Variants in CD1A observed in about 807,000 individuals in gnomAD.
CD1A encodes the protein CD1a molecule.
Under a neutral mutation model 38.3 loss-of-function variants are expected in CD1A, and 50 were observed. The ratio of observed to expected loss-of-function variants is 1.30; its 90% CI spans 1.04 to 1.65. The LOEUF (loss-of-function observed/expected upper bound fraction) is 1.65, where lower values mean the gene tolerates loss of function less well. Ranked by LOEUF, CD1A falls within the 40% of genes most tolerant of loss-of-function variation. The pLI is 0.00. For synonymous variants in CD1A, 160 were observed against 150.8 expected, an observed-to-expected ratio of 1.06 and a Z score of -0.45; for missense variants, 459 against 406.1, an observed-to-expected ratio of 1.13 and a Z score of -1.12.
chr1:158,254,163 G>A (rs1650163158), upstream of CD1A: 1 of 987,804 alleles, frequency 1.0e-6, no homozygotes, highest in Admixed American at 6.1e-5. Context: ...CTCTGAAAAA[G>A]CAAATAAATC....
upstream of CD1A, among the ~76,000 whole-genome samples, chr1:158,249,894 A>G (rs984340674): frequency 7.2e-5 from 11 of 152,174 alleles, no homozygotes; most frequent in Non-Finnish European, 1.5e-4. Context: ...TCCTTCCCAC[A>G]GTGGCCACTC....
intron 2 of CD1A, among the ~76,000 whole-genome samples, 199 bp downstream of exon 2, chr1:158,255,549 C>A (rs1318029736): frequency 6.6e-6 from 1 of 151,986 alleles, no homozygotes; most frequent in Non-Finnish European, 1.5e-5. Context: ...TACTTATGAA[C>A]TCCTCTCTCA....
upstream of CD1A, among the ~76,000 whole-genome samples, chr1:158,253,113 TC>T (rs2101629156): frequency 6.6e-6 from 1 of 151,254 alleles, no homozygotes; most frequent in Non-Finnish European, 1.5e-5. Context: ...AAAAATTTTT[TC>T]CCCCTAAATT....
In CD1A at chr1:158,255,304, G is replaced by A. The variant is rs770910864; in HGVS notation, c.279G>A (p.Arg93=). ...LETLFRIRTI[R]SFEGIRRYAH... ...CATTATTCCGTATACGCACCATTCG[G>A]TCATTTGAGGGAATTCGTAGATACG... The change falls in exon 2 of 6, where the codon CGG becomes CGA. Residue 93 remains arginine (R), a synonymous_variant. Coordinates refer to ENST00000289429, the MANE Select transcript of CD1A (RefSeq NM_001763.3). 5 of 1,614,112 alleles carry A rather than the reference G, an allele frequency of 3.1e-6. No homozygotes were observed. Among genetic ancestry groups the A allele is most frequent in the Non-Finnish European group, 4.2e-6 (5 of 1,180,010 alleles).
intron 4 of CD1A, 139 bp downstream of exon 4, chr1:158,257,203 T>C: frequency 9.0e-6 from 11 of 1,217,930 alleles, no homozygotes; most frequent in Non-Finnish European, 1.2e-5. Flanking sequence ...GAAATGGAAA[T>C]GTTGAAAATG....
chr1:158,254,048 T>G (rs1650157484), upstream of CD1A: 4 of 85,188 alleles, frequency 4.7e-5, no homozygotes, highest in Admixed American at 1.1e-4. Flanking sequence ...TTTTTTTTTT[T>G]TTTTTTTTTT....
In CD1A at chr1:158,256,085, A is replaced by G. The variant is rs1402887595; in HGVS notation, c.407A>G (p.Gln136Arg). 2 of 1,614,206 alleles carry G rather than the reference A, an allele frequency of 1.2e-6. No individual in the cohort carries two copies. Among genetic ancestry groups the G allele is most frequent in the South Asian group, 1.1e-5 (1 of 91,088 alleles). Reference sequence around the variant, plus strand: ...GGAAGCTTCTTGCAGTTAGCTTATCAAGGATCAGACTTTGTGAGCTTCCAG... The same window carrying G: ...GGAAGCTTCTTGCAGTTAGCTTATCGAGGATCAGACTTTGTGAGCTTCCAG... The part of the protein sequence containing the change: ...VSGSFLQLAY[Q>R]GSDFVSFQNN... The change falls in exon 3 of 6, where the codon CAA (glutamine) becomes CGA (arginine). Residue 136 changes from glutamine to arginine, a missense_variant. Transcript: ENST00000289429.
chr1:158,255,923 C>T, intron 2 of CD1A, 81 bp from the exon 3 acceptor site: 1 of 1,377,768 alleles, frequency 7.3e-7, no homozygotes, highest in East Asian at 2.3e-5. Flanking sequence ...CACACTTCCC[C>T]CTTCTGCTTC....
At chr1:158,248,577 A>G in the CD1A span, among the ~76,000 whole-genome samples, 4 of 152,162 alleles carry the variant, frequency 2.6e-5, no homozygotes, top group Non-Finnish European at 5.9e-5. Flanking sequence ...TATGTTATTC[A>G]CACTAGTTTG....
chr1:158,248,717 T>C, the CD1A span, among the ~76,000 whole-genome samples: 3 of 152,174 alleles, frequency 2.0e-5, no homozygotes, highest in African/African-American at 4.8e-5. Flanking sequence ...TATCTCTTGA[T>C]TTTTCCCTAG....
At chr1:158,257,657 A>C (rs1650306827) in intron 5 of CD1A, 24 bp from the exon 6 acceptor site, 3 of 1,612,880 alleles carry the variant, frequency 1.9e-6, no homozygotes, top group Non-Finnish European at 2.5e-6. Flanking sequence ...ATTCAGAGTG[A>C]CTTCTATCTC....
chr1:158,254,246 G>C, upstream of CD1A: 4 of 1,031,428 alleles, frequency 3.9e-6, no homozygotes, highest in Non-Finnish European at 4.7e-6. Flanking sequence ...GGAAAATATT[G>C]AAAAGGACAG....
upstream of CD1A, chr1:158,254,090 T>A: frequency 5.7e-6 from 1 of 176,388 alleles, no homozygotes; most frequent in Non-Finnish European, 9.5e-6. Context: ...TTACTGGCTC[T>A]TCTCTAAGAA....
In CD1A at chr1:158,255,995, T is replaced by C; in HGVS notation, c.326-9T>C. The C allele has an allele frequency of 6.2e-7, 1 of 1,600,006 alleles. No homozygotes were observed. Among genetic ancestry groups the C allele is most frequent in the Non-Finnish European group, 8.5e-7 (1 of 1,172,114 alleles). ...TTTTCTCCCTCTTTCCTCTATTTCA[T>C]AACCCCAGATCCTTTTGAGATACAG... On this transcript the variant is annotated splice_polypyrimidine_tract_variant and intron_variant, in intron 2 of 5. Transcript: ENST00000289429.
chr1:158,257,113 A>G, intron 4 of CD1A, 49 bp downstream of exon 4: 1 of 1,550,438 alleles, frequency 6.4e-7, no homozygotes, highest in East Asian at 2.3e-5. Context: ...AGTGGACCTC[A>G]GGCATAGAGG....
chr1:158,249,461 G>A (rs371077607), upstream of CD1A, among the ~76,000 whole-genome samples: 119 of 152,164 alleles, frequency 7.8e-4, 4 homozygotes, highest in South Asian at 0.024. Flanking sequence ...TAAGGGAACT[G>A]ATCACATTCA....
At chr1:158,249,150 T>C in the CD1A span, among the ~76,000 whole-genome samples, 2 of 152,226 alleles carry the variant, frequency 1.3e-5, no homozygotes, top group Non-Finnish European at 2.9e-5. Context: ...AAACCTAAGC[T>C]GACTCCTCTT....
Position 158,256,771 on chromosome 1 carries a change from T to C in CD1A, c.605-15T>C. The stretch of plus-strand genomic sequence containing the variant: ...CTCCAAGTCTGTATTTGAATATCTT[T>C]TCTGTCCTTTGCAGTGAAGCCCGAG... On this transcript the variant is annotated splice_polypyrimidine_tract_variant and intron_variant, in intron 3 of 5. Transcript: ENST00000289429. The C allele has an allele frequency of 6.2e-7, 1 of 1,611,694 alleles. No individual in the cohort carries two copies. Among genetic ancestry groups the C allele is most frequent in the Non-Finnish European group, 8.5e-7 (1 of 1,178,274 alleles).
chr1:158,250,525 A>T (rs1437016984), upstream of CD1A, among the ~76,000 whole-genome samples: 1 of 152,074 alleles, frequency 6.6e-6, no homozygotes, highest in Non-Finnish European at 1.5e-5. Flanking sequence ...TCTCTTTACA[A>T]CCTTCGGAAA....
Sources: allele counts gnomAD v4.1 joint callset (sites outside exome capture counted in the v4.1 genomes callset), GRCh38; gene constraint gnomAD v4.1.1; transcripts MANE v1.5; gene names NCBI Gene and HGNC (gene_info 2026-07-23, HGNC 2026-07-21).